Variants in NCKAP5 observed in about 807,000 individuals in gnomAD.
NCKAP5 encodes the protein NCK associated protein 5, also known as nck-associated protein 5.
In NCKAP5, 92 loss-of-function variants were observed where a neutral mutation model predicts 167.0. The observed-to-expected ratio is 0.55, with a 90% CI of 0.47 to 0.66. NCKAP5 has a LOEUF of 0.66. NCKAP5 is among the 30% of genes least tolerant of loss of function. The pLI is 0.00. For synonymous variants in NCKAP5, 891 were observed against 877.4 expected, an observed-to-expected ratio of 1.02 and a Z score of -0.27; for missense variants, 2,378 against 2,315.0, an observed-to-expected ratio of 1.03 and a Z score of -0.56.
chr2:132,850,194 C>T (rs896959187), intron 11 of NCKAP5, among the ~76,000 whole-genome samples: 1 of 152,098 alleles, frequency 6.6e-6, no homozygotes, highest in Non-Finnish European at 1.5e-5. Flanking sequence ...ATCTATTATG[C>T]CCACAACAGT....
At chr2:132,727,058 T>C (rs899046698) in intron 18 of NCKAP5, among the ~76,000 whole-genome samples, 4 of 152,170 alleles carry the variant, frequency 2.6e-5, no homozygotes, top group African/African-American at 9.7e-5. Flanking sequence ...ACGTTCCCTA[T>C]CTGGCAGTCA....
chr2:132,689,176 C>T (rs184086547), intron 19 of NCKAP5, among the ~76,000 whole-genome samples: 4 of 152,094 alleles, frequency 2.6e-5, no homozygotes, highest in Admixed American at 2.6e-4. Context: ...GTGAATACAA[C>T]CATTCACTCT....
At chr2:133,662,075 T>C in the NCKAP5 span, among the ~76,000 whole-genome samples, 1 of 152,160 alleles carries the variant, frequency 6.6e-6, no homozygotes, top group Non-Finnish European at 1.5e-5. Flanking sequence ...TCCTTATCTG[T>C]GAATGTAAAT....
intron 19 of NCKAP5, among the ~76,000 whole-genome samples, chr2:132,694,019 T>C (rs1573897621): frequency 1.3e-5 from 2 of 152,286 alleles, no homozygotes; most frequent in South Asian, 2.1e-4. Context: ...CAGGAGCTGT[T>C]TGGAGACATG....
At chr2:132,924,233 T>G (rs1368791615) in intron 8 of NCKAP5, among the ~76,000 whole-genome samples, 1 of 152,194 alleles carries the variant, frequency 6.6e-6, no homozygotes, top group Non-Finnish European at 1.5e-5. Flanking sequence ...AGATGATTTT[T>G]TTTTCCCATA....
At chr2:132,859,862 G>T (rs554199773) in intron 11 of NCKAP5, among the ~76,000 whole-genome samples, 9 of 152,254 alleles carry the variant, frequency 5.9e-5, no homozygotes, top group African/African-American at 1.7e-4. Context: ...TCCCTGCAGT[G>T]GGACATATTC....
At chr2:133,149,583 GC>G (rs2083313304) in intron 5 of NCKAP5, among the ~76,000 whole-genome samples, 1 of 151,990 alleles carries the variant, frequency 6.6e-6, no homozygotes, top group African/African-American at 2.4e-5. Context: ...CTACAACGAT[GC>G]CCCAAATTTT....
At chr2:133,305,701 A>T (rs1452824086) in intron 3 of NCKAP5, among the ~76,000 whole-genome samples, 2 of 152,234 alleles carry the variant, frequency 1.3e-5, no homozygotes, top group East Asian at 3.8e-4. Flanking sequence ...AAATAAAAAT[A>T]CTAGCTGCTT....
At chr2:133,012,500 G>A (rs2078195810) in intron 6 of NCKAP5, among the ~76,000 whole-genome samples, 2 of 152,072 alleles carry the variant, frequency 1.3e-5, no homozygotes, top group African/African-American at 2.4e-5. Flanking sequence ...TGCCCGCCTC[G>A]GCCTCCCAAA....
chr2:133,192,174 T>C (rs929815437), intron 5 of NCKAP5, among the ~76,000 whole-genome samples: 3 of 152,116 alleles, frequency 2.0e-5, no homozygotes, highest in South Asian at 2.1e-4. Context: ...TTGACAAATA[T>C]GCAAAAGTAA....
intron 19 of NCKAP5, among the ~76,000 whole-genome samples, chr2:132,721,938 A>G (rs1016862324): frequency 2.0e-5 from 3 of 152,212 alleles, no homozygotes; most frequent in South Asian, 2.1e-4. Flanking sequence ...CAATAGAATA[A>G]AATAGAGATG....
At position 132,759,942 on chromosome 2, in the gene NCKAP5, C is replaced by G. The variant is rs1306408365; in HGVS notation, c.5128+13874G>C. Among the ~76,000 whole-genome samples, 6 of 151,690 alleles carry G rather than the reference C, an allele frequency of 4.0e-5. No homozygotes were observed. The East Asian group carries it at 1.2e-3, about 29-fold the overall frequency. On this transcript the variant is annotated intron_variant, in intron 16 of 19. Coordinates refer to ENST00000409261, the MANE Select transcript of NCKAP5 (RefSeq NM_207363.3). ...TCCTTACTATTTAACTTTCCCCCTACTTTTTCTACTAGATGGGAAATTTTA... is the reference window on the plus strand; with the variant it reads ...TCCTTACTATTTAACTTTCCCCCTAGTTTTTCTACTAGATGGGAAATTTTA...
At chr2:133,065,454 G>A (rs772295759) in intron 6 of NCKAP5, among the ~76,000 whole-genome samples, 21 of 151,828 alleles carry the variant, frequency 1.4e-4, no homozygotes, top group East Asian at 1.9e-4. Flanking sequence ...GTGAAACCCC[G>A]TCTCTACTAA....
chr2:133,494,294 C>A (rs147943134), intron 3 of NCKAP5, among the ~76,000 whole-genome samples: 44 of 152,254 alleles, frequency 2.9e-4, no homozygotes, highest in African/African-American at 1.1e-3. Context: ...TTATACAAAA[C>A]CTTGGGCTTA....
intron 5 of NCKAP5, among the ~76,000 whole-genome samples, chr2:133,175,244 C>G (rs2084409211): frequency 6.6e-6 from 1 of 152,088 alleles, no homozygotes; most frequent in South Asian, 2.1e-4. Context: ...GGGTTTAATA[C>G]CATAGACATG....
At chr2:133,671,755 C>G in the NCKAP5 span, among the ~76,000 whole-genome samples, 49 of 152,188 alleles carry the variant, frequency 3.2e-4, 1 homozygote, top group Non-Finnish European at 4.4e-5. Flanking sequence ...ACAACAACAA[C>G]AACAACAAAA....
chr2:133,575,974 GCCT>G, the NCKAP5 span, among the ~76,000 whole-genome samples: 1 of 152,220 alleles, frequency 6.6e-6, no homozygotes, highest in Admixed American at 6.5e-5. Context: ...CTTCTTCTAT[GCCT>G]CAGTAGTTCC....
intron 6 of NCKAP5, among the ~76,000 whole-genome samples, chr2:133,096,105 T>A (rs2081336927): frequency 6.6e-6 from 1 of 152,154 alleles, no homozygotes; most frequent in South Asian, 2.1e-4. Flanking sequence ...AACTCCATTA[T>A]AATAAAAATG....
chr2:132,942,247 T>C (rs1263838999), intron 8 of NCKAP5, among the ~76,000 whole-genome samples: 1 of 152,206 alleles, frequency 6.6e-6, no homozygotes, highest in South Asian at 2.1e-4. Flanking sequence ...GCGGTAATTA[T>C]ACATAATTTA....
Sources: gnomAD v4.1 joint callset for allele counts (sites outside exome capture counted in the v4.1 genomes callset) on GRCh38, gnomAD v4.1.1 for gene constraint, MANE v1.5 for transcripts, NCBI Gene and HGNC (gene_info 2026-07-23, HGNC 2026-07-21) for gene names.